The following PTPRN2 variants were observed in gnomAD, a reference collection of about 807,000 sequenced individuals.
PTPRN2 encodes protein tyrosine phosphatase receptor type N2.
PTPRN2 carries 74 observed loss-of-function variants against 118.8 expected under a neutral mutation model. The observed-to-expected ratio is 0.62, with a 90% CI of 0.52 to 0.76. The LOEUF (loss-of-function observed/expected upper bound fraction) is 0.76, where lower values mean the gene tolerates loss of function less well. Ranked by LOEUF, PTPRN2 falls within the 30% of genes least tolerant of loss-of-function variation. The pLI is 0.00. For missense variants in PTPRN2, 1,481 were observed against 1,394.4 expected (o/e 1.06, Z -0.99); for synonymous variants, 641 against 608.0 (o/e 1.05, Z -0.80).
chr7:157,866,021 T>C (rs1037000430), intron 12 of PTPRN2: 6 of 152,438 alleles, frequency 3.9e-5, no homozygotes, highest in African/African-American at 1.2e-4. Context: ...GACAGCCACG[T>C]GTACTCTCCT....
At chr7:157,642,837 A>AAAAAAAAAAAAAAAAAAAAC (rs1804776547) in intron 14 of PTPRN2, among the ~76,000 whole-genome samples, 1 of 147,420 alleles carries the variant, frequency 6.8e-6, no homozygotes, top group Admixed American at 6.8e-5. Context: ...AAAAAAAAAA[A>AAAAAAAAAAAAAAAAAAAAC]AAAAAAAGCA....
intron 12 of PTPRN2, among the ~76,000 whole-genome samples, chr7:157,755,807 C>T: frequency 6.6e-6 from 1 of 152,164 alleles, no homozygotes; most frequent in East Asian, 1.9e-4. Flanking sequence ...GAGACGGATC[C>T]ATTCTTACTC....
Position 158,096,594 on chromosome 7 carries a change from C to A in PTPRN2, c.1643+14235G>T, listed in dbSNP as rs148159447. ...TTGACGTACTGTGACATTTCCTTGA[C>A]ATTCCTTATTTCCAGGAAAACCTCA... On this transcript the variant is annotated intron_variant, in intron 10 of 22. Coordinates refer to ENST00000389418, the MANE Select transcript of PTPRN2 (RefSeq NM_002847.5). 7.2e-3 allele frequency among the ~76,000 whole-genome samples: 1,103 copies of A among 152,354 alleles called. 16 individuals are homozygous for A. The highest frequency in any genetic ancestry group is 0.025 in the African/African-American group (1,059 of 41,576).
chr7:157,741,887 G>C (rs920783420), intron 12 of PTPRN2, among the ~76,000 whole-genome samples: 1 of 152,190 alleles, frequency 6.6e-6, no homozygotes, highest in Admixed American at 6.5e-5. Context: ...GGGTCCTTGA[G>C]GGCCAGCTCT....
chr7:157,557,140 CAT>C (rs1468966452), intron 21 of PTPRN2, among the ~76,000 whole-genome samples: 4 of 150,784 alleles, frequency 2.7e-5, no homozygotes, highest in Admixed American at 1.3e-4. Flanking sequence ...CACCCACACT[CAT>C]ATATACTCAC....
intron 3 of PTPRN2, among the ~76,000 whole-genome samples, chr7:158,216,564 A>T (rs1035546914): frequency 2.0e-5 from 3 of 152,156 alleles, no homozygotes; most frequent in African/African-American, 7.2e-5. Flanking sequence ...AGCAATAGCT[A>T]TATTAATATC....
chr7:157,711,678 G>GC (rs529441577), intron 12 of PTPRN2, among the ~76,000 whole-genome samples: 55 of 152,242 alleles, frequency 3.6e-4, no homozygotes, highest in South Asian at 6.2e-4. Flanking sequence ...CTGAGGACAA[G>GC]CCCCCGGGGT....
In PTPRN2 at chr7:157,831,061, G is replaced by A. The variant is rs565168483; in HGVS notation, c.1788+67612C>T. Reference sequence around the variant, plus strand: ...CTCAAAGTTGGTGACTCTGGAGGAAGAGGGTGCAGGTGCTCATTTTACTCT... The same window carrying A: ...CTCAAAGTTGGTGACTCTGGAGGAAAAGGGTGCAGGTGCTCATTTTACTCT... On this transcript the variant is annotated intron_variant, in intron 12 of 22. Transcript: ENST00000389418. The surrounding 1 kb of genome is among the most constrained non-coding windows in gnomAD (Gnocchi z 4.8). 6.6e-6 allele frequency among the ~76,000 whole-genome samples: 1 copy of A among 152,364 alleles called. No individual in the cohort carries two copies. Among genetic ancestry groups the A allele is most frequent in the South Asian group, 2.1e-4 (1 of 4,826 alleles).
At chr7:158,386,477 C>T (rs1811389997) in intron 2 of PTPRN2, among the ~76,000 whole-genome samples, 1 of 152,170 alleles carries the variant, frequency 6.6e-6, no homozygotes, top group African/African-American at 2.4e-5. Context: ...CATCCAGGCT[C>T]ATTCATCCAA....
chr7:157,683,080 C>T (rs1796990357), intron 12 of PTPRN2, 143 bp from the exon 13 acceptor site: 1 of 693,830 alleles, frequency 1.4e-6, no homozygotes, highest in Non-Finnish European at 2.5e-6. Flanking sequence ...CGGGAGGGCC[C>T]TGCGGAACAA....
chr7:158,070,982 C>T (rs1451469665), intron 11 of PTPRN2, among the ~76,000 whole-genome samples: 577 of 41,762 alleles, frequency 0.014, 1 homozygote, highest in African/African-American at 0.019. Context: ...TGGAGGTGCC[C>T]GTGGTGGTGG....
chr7:157,633,108 C>T (rs1017705389), intron 14 of PTPRN2, among the ~76,000 whole-genome samples: 12 of 152,058 alleles, frequency 7.9e-5, no homozygotes, highest in Non-Finnish European at 1.5e-4. Context: ...AAGACCCTGT[C>T]CTCATGTGGC....
intron 12 of PTPRN2, among the ~76,000 whole-genome samples, chr7:157,686,016 G>A (rs1415870019): frequency 6.6e-6 from 1 of 152,234 alleles, no homozygotes; most frequent in Non-Finnish European, 1.5e-5. Context: ...GCGACCGCGC[G>A]GGGCCGCGGG....
intron 2 of PTPRN2, among the ~76,000 whole-genome samples, chr7:158,476,544 C>T (rs557493617): frequency 1.9e-4 from 29 of 152,212 alleles, no homozygotes; most frequent in Non-Finnish European, 3.5e-4. Flanking sequence ...ACAGCACAGA[C>T]GCCGCTCGGG....
intron 5 of PTPRN2, among the ~76,000 whole-genome samples, chr7:158,167,671 C>T (rs1007167574): frequency 6.6e-6 from 1 of 152,230 alleles, no homozygotes; most frequent in African/African-American, 2.4e-5. Flanking sequence ...CCATTCCTCC[C>T]TCCCACCCTG....
At chr7:158,374,117 T>C in intron 2 of PTPRN2, among the ~76,000 whole-genome samples, 1 of 152,158 alleles carries the variant, frequency 6.6e-6, no homozygotes, top group Non-Finnish European at 1.5e-5. Context: ...CTTCTGACCC[T>C]TGGGGCAAGT....
At chr7:157,641,325 T>C (rs962147563) in intron 14 of PTPRN2, among the ~76,000 whole-genome samples, 1 of 152,056 alleles carries the variant, frequency 6.6e-6, no homozygotes, top group African/African-American at 2.4e-5. Flanking sequence ...ACTCAGAAAA[T>C]GCAGGGCATA....
chr7:158,471,499 C>A (rs930946358), intron 2 of PTPRN2, among the ~76,000 whole-genome samples: 2 of 152,142 alleles, frequency 1.3e-5, no homozygotes, highest in African/African-American at 4.8e-5. Context: ...ACCAACCTGG[C>A]CAACATGGTG....
rs897469501 is a variant in PTPRN2 at position 157,736,855 on chromosome 7, G to A, written c.1789-53918C>T. On this transcript the variant is annotated intron_variant, in intron 12 of 22. Transcript: ENST00000389418. ...AGGAGGTACAATCCCACCAGTGCCC[G>A]GCTGGACACATATTGGTTTTGGAGC... Among the ~76,000 whole-genome samples the A allele has an allele frequency of 7.9e-5, 12 of 152,144 alleles. 1 individual carries two copies. Among genetic ancestry groups the A allele is most frequent in the Admixed American group, 3.3e-4 (5 of 15,290 alleles).
Sources: allele counts gnomAD v4.1 joint callset (sites outside exome capture counted in the v4.1 genomes callset), GRCh38; gene constraint gnomAD v4.1.1; non-coding constraint Gnocchi (gnomAD v3.1); transcripts MANE v1.5; gene names NCBI Gene and HGNC (gene_info 2026-07-23, HGNC 2026-07-21).